The following CADM4 variants were observed in gnomAD, a reference collection of about 807,000 sequenced individuals.
CADM4 encodes cell adhesion molecule 4.
A neutral mutation model predicts 43.9 loss-of-function variants in CADM4; 13 were observed. That is an observed-to-expected ratio of 0.30 (90% CI 0.19 to 0.47). CADM4 has a LOEUF of 0.47. Ranked by LOEUF, CADM4 falls within the 20% of genes least tolerant of loss-of-function variation. The pLI, the probability that CADM4 is intolerant of heterozygous loss-of-function variation, is 1.00. For synonymous variants in CADM4, 209 were observed against 220.9 expected (o/e 0.95, Z 0.48); for missense variants, 420 against 527.0 (o/e 0.80, Z 1.99).
In CADM4 at chr19:43,626,835, AC is replaced by A; in HGVS notation, c.447del (p.Ser150ProfsTer16). 6.2e-7 allele frequency: 1 copy of A among 1,610,558 alleles called. No homozygotes were observed. Among genetic ancestry groups the A allele is most frequent in the Non-Finnish European group, 8.5e-7 (1 of 1,178,480 alleles). On this transcript the variant is annotated frameshift_variant, in exon 4 of 9. Transcript: ENST00000222374. LOFTEE classifies it high-confidence loss of function. This position sits in a 1 kb window ranked among gnomAD's most constrained non-coding sequence, Gnocchi z 5.9. ...CAGCGCAGGGTGGCAGCCGGACGGGACCGCGGAACGAGGCAGCTGAGCTCCA... is the reference window on the plus strand; with the variant it reads ...CAGCGCAGGGTGGCAGCCGGACGGGACGCGGAACGAGGCAGCTGAGCTCCA... ...GEVELSCLVP[R>X]SRPAATLRWY...
In CADM4 at chr19:43,626,111, G is replaced by T. The variant is rs773252600; in HGVS notation, c.664+13C>A. On this transcript the variant is annotated intron_variant, in intron 5 of 8. Coordinates refer to ENST00000222374, the MANE Select transcript of CADM4 (RefSeq NM_145296.2). The surrounding 1 kb of genome is among the most constrained non-coding windows in gnomAD (Gnocchi z 5.9). ...GTTGGGATCCCTTGGGTCCTGGCCC[G>T]CCGGTCACTTACACTGCACATCCAG... 3 of 1,613,180 alleles carry T rather than the reference G, an allele frequency of 1.9e-6. No individual in the cohort carries two copies. The South Asian group carries it at 3.3e-5, about 18-fold the overall frequency.
At chr19:43,637,882 C>T (rs1425532320) in intron 1 of CADM4, among the ~76,000 whole-genome samples, 1 of 152,128 alleles carries the variant, frequency 6.6e-6, no homozygotes, top group Non-Finnish European at 1.5e-5. Context: ...TTAAAGGTGT[C>T]AAGATTCTAA....
chr19:43,631,533 T>G (rs1030399865), intron 1 of CADM4, among the ~76,000 whole-genome samples: 2 of 152,126 alleles, frequency 1.3e-5, no homozygotes, highest in Non-Finnish European at 2.9e-5. Flanking sequence ...CTGGTTGTAT[T>G]TTATGGTTGC....
In CADM4 at chr19:43,622,445, A is replaced by ATG. The variant is rs1273611676; in HGVS notation, c.*883_*884dup. 6.6e-6 allele frequency: 1 copy of ATG among 151,942 alleles called. No homozygotes were observed. Among genetic ancestry groups the ATG allele is most frequent in the East Asian group, 1.9e-4 (1 of 5,158 alleles). The allele number at this position is 151,942 out of a possible 1,614,324, so 9.4% of individuals were successfully genotyped here. The stretch of plus-strand genomic sequence containing the variant: ...CATTCCCCTCCCCACCCCGTACAAA[A>ATG]TGTGTGTGTGGTTTTTTGTTTTTTG... On this transcript the variant is annotated 3_prime_UTR_variant, in exon 9 of 9. Coordinates refer to ENST00000222374, the MANE Select transcript of CADM4 (RefSeq NM_145296.2).
chr19:43,632,476 T>C (rs1378666096), intron 1 of CADM4, among the ~76,000 whole-genome samples: 1 of 152,110 alleles, frequency 6.6e-6, no homozygotes, highest in African/African-American at 2.4e-5. Context: ...GGGCTGCCCG[T>C]AACATGTAGA....
upstream of CADM4, chr19:43,639,978 G>A: frequency 3.3e-6 from 1 of 303,672 alleles, no homozygotes; most frequent in Non-Finnish European, 4.8e-6. Context: ...ACGGCACGGT[G>A]GGGGAACGGT....
intron 1 of CADM4, among the ~76,000 whole-genome samples, chr19:43,630,638 C>T (rs979506838): frequency 1.3e-5 from 2 of 151,996 alleles, no homozygotes; most frequent in Non-Finnish European, 2.9e-5. Context: ...AATGACTTGC[C>T]CAAGTTCACA....
Position 43,625,092 on chromosome 19 carries a change from A to T in CADM4, c.914T>A (p.Val305Glu), listed in dbSNP as rs1481248147. 1 of 1,609,682 alleles carries T rather than the reference A, an allele frequency of 6.2e-7. No homozygotes were observed. Among genetic ancestry groups the T allele is most frequent in the Non-Finnish European group, 8.5e-7 (1 of 1,178,546 alleles). The change falls in exon 7 of 9, where the codon GTA becomes GAA. Residue 305 changes from valine (V) to glutamate (E), a missense_variant. By Grantham distance (121) the Val-to-Glu change is moderately radical. Transcript: ENST00000222374. This position sits in a 1 kb window ranked among gnomAD's most constrained non-coding sequence, Gnocchi z 4.5. ...CCTGCTCTCACCGTAGACCACAAGTACGTAGAGCGCCCTCGCATGGCCGTG... is the reference window on the plus strand; with the variant it reads ...CCTGCTCTCACCGTAGACCACAAGTTCGTAGAGCGCCCTCGCATGGCCGTG... ...NKHGHARALYVLVVYDPGAVV... is the reference protein window; with the variant it reads ...NKHGHARALYELVVYDPGAVV...
At chr19:43,640,777 TC>T (rs1973764245), upstream of CADM4, among the ~76,000 whole-genome samples, 1 of 151,980 alleles carries the variant, frequency 6.6e-6, no homozygotes, top group Admixed American at 6.6e-5. Context: ...CAGACTTAGG[TC>T]CCTTCTCCCT....
chr19:43,640,540 C>T (rs1600104774), upstream of CADM4, among the ~76,000 whole-genome samples: 1 of 152,082 alleles, frequency 6.6e-6, no homozygotes, highest in East Asian at 1.9e-4. Context: ...GACCTGAAAA[C>T]CCCGTGTTTC....
rs1299997047 is a variant in CADM4 at position 43,625,389 on chromosome 19, T to C, written c.756-139A>G. ...GGCTTCCTGCTATCTCTTTCCTTTC[T>C]GGAAAACCAACAGTCCTGGGCCTAC... On this transcript the variant is annotated intron_variant, in intron 6 of 8. Coordinates refer to ENST00000222374, the MANE Select transcript of CADM4 (RefSeq NM_145296.2). The surrounding 1 kb of genome is among the most constrained non-coding windows in gnomAD (Gnocchi z 4.5). The C allele has an allele frequency of 3.4e-6, 3 of 889,714 alleles. No individual in the cohort carries two copies. In the Middle Eastern group the frequency reaches 9.4e-4, roughly 277 times the overall value. The allele number at this position is 889,714 out of a possible 1,614,324, so 55.1% of individuals were successfully genotyped here. A position where few individuals can be genotyped will look rare whatever the true frequency, so the allele number is the denominator to read the frequency against.
intron 1 of CADM4, among the ~76,000 whole-genome samples, chr19:43,633,752 C>T (rs1009660705): frequency 2.0e-5 from 3 of 151,506 alleles, no homozygotes; most frequent in African/African-American, 7.3e-5. Context: ...GCAATCATGG[C>T]TCACTGCAAC....
At chr19:43,639,066 CAAG>C (rs1973737464) in intron 1 of CADM4, among the ~76,000 whole-genome samples, 1 of 151,044 alleles carries the variant, frequency 6.6e-6, no homozygotes, top group Non-Finnish European at 1.5e-5. Flanking sequence ...GGGACAGAGA[CAAG>C]GGGATGGGGC....
At position 43,625,157 on chromosome 19, in the gene CADM4, G is replaced by A. The variant is rs201386568; in HGVS notation, c.849C>T (p.Ser283=). Reference sequence around the variant, plus strand: ...CGCAAGTGTAGGTGCCGTTATCCGCGGATACCAGACCCGGCAGCGTGAGCG... The same window carrying A: ...CGCAAGTGTAGGTGCCGTTATCCGCAGATACCAGACCCGGCAGCGTGAGCG... ...GETLTLPGLV[S]ADNGTYTCEA... The change falls in exon 7 of 9, where the codon TCC becomes TCT. Residue 283 remains serine, a synonymous_variant. Transcript: ENST00000222374. This position sits in a 1 kb window ranked among gnomAD's most constrained non-coding sequence, Gnocchi z 4.5. 1 of 1,614,116 alleles carries A rather than the reference G, an allele frequency of 6.2e-7. No homozygotes were observed. Among genetic ancestry groups the A allele is most frequent in the East Asian group, 2.2e-5 (1 of 44,880 alleles).
At chr19:43,637,535 A>G (rs1228308207) in intron 1 of CADM4, among the ~76,000 whole-genome samples, 1 of 152,154 alleles carries the variant, frequency 6.6e-6, no homozygotes, top group Non-Finnish European at 1.5e-5. Flanking sequence ...TTCCCATGAC[A>G]CCAAGCTCAG....
At chr19:43,638,929 G>A (rs576531024) in intron 1 of CADM4, among the ~76,000 whole-genome samples, 39 of 152,288 alleles carry the variant, frequency 2.6e-4, no homozygotes, top group Admixed American at 8.5e-4. Context: ...GGGAGATCCC[G>A]GGATGGAGGC....
intron 1 of CADM4, among the ~76,000 whole-genome samples, chr19:43,630,276 C>CT (rs1465761200): frequency 1.0e-5 from 1 of 98,830 alleles, no homozygotes; most frequent in Non-Finnish European, 2.0e-5. Context: ...TTCCATTTTT[C>CT]TTTTCTTTTT....
chr19:43,624,360 C>T, intron 7 of CADM4, 118 bp from the exon 8 acceptor site: 1 of 1,301,588 alleles, frequency 7.7e-7, no homozygotes, highest in South Asian at 1.4e-5. Context: ...TTATGTGCCA[C>T]ACCCCTCAAA....
rs200492063 is a variant in CADM4, at chr19:43,626,164, G to A, written c.624C>T (p.Ser208=). The change falls in exon 5 of 9, where the codon TCC becomes TCT. Residue 208 remains serine, a synonymous_variant. Coordinates refer to ENST00000222374, the MANE Select transcript of CADM4 (RefSeq NM_145296.2). The surrounding 1 kb of genome is among the most constrained non-coding windows in gnomAD (Gnocchi z 5.9). ...CGTACTGCGTCTGCTTGCTGTGTCC[G>A]GAGGGCAGCGCCTGGTTCTGCGCCT... is the stretch of plus-strand genomic sequence containing the variant. The part of the protein sequence containing the change: ...ICEAQNQALP[S]GHSKQTQYVL... 76 of 1,613,844 alleles carry A rather than the reference G, an allele frequency of 4.7e-5. 1 individual carries two copies. The highest frequency in any genetic ancestry group is 3.3e-4 in the Middle Eastern group (2 of 6,062).
Sources: gnomAD v4.1 joint callset for allele counts (sites outside exome capture counted in the v4.1 genomes callset) on GRCh38, gnomAD v4.1.1 for gene constraint, Gnocchi (gnomAD v3.1) non-coding constraint, MANE v1.5 for transcripts, NCBI Gene and HGNC (gene_info 2026-07-23, HGNC 2026-07-21) for gene names.